Variants in GUCY1A2 observed in about 807,000 individuals in gnomAD.
GUCY1A2 encodes guanylate cyclase soluble subunit alpha-2.
A neutral mutation model predicts 63.5 loss-of-function variants in GUCY1A2; 27 were observed. That is an observed-to-expected ratio of 0.43 (90% CI 0.31 to 0.59). The LOEUF (loss-of-function observed/expected upper bound fraction) is 0.59, where lower values mean the gene tolerates loss of function less well. Ranked by LOEUF, GUCY1A2 falls within the 20% of genes least tolerant of loss-of-function variation. The probability of loss-of-function intolerance (pLI) is 0.11; values close to 1 mark genes in which losing one functional copy is unlikely to be tolerated. For missense variants in GUCY1A2, 768 were observed against 913.3 expected (o/e 0.84, Z 2.05); for synonymous variants, 364 against 343.5 (o/e 1.06, Z -0.66).
intron 4 of GUCY1A2, among the ~76,000 whole-genome samples, chr11:106,913,303 G>C (rs1860321329): frequency 6.6e-6 from 1 of 152,116 alleles, no homozygotes. Flanking sequence ...TGTACACAAA[G>C]CATGGCACCA....
chr11:106,906,837 A>C (rs1277777477), intron 4 of GUCY1A2, among the ~76,000 whole-genome samples: 1 of 150,912 alleles, frequency 6.6e-6, no homozygotes, highest in Non-Finnish European at 1.5e-5. Flanking sequence ...ACACAAGAAC[A>C]GAAAACCAAA....
At chr11:106,722,437 C>G (rs1481003752) in intron 6 of GUCY1A2, among the ~76,000 whole-genome samples, 1 of 152,000 alleles carries the variant, frequency 6.6e-6, no homozygotes, top group Non-Finnish European at 1.5e-5. Context: ...TCTAAAATCA[C>G]TACTGAAAAT....
chr11:107,006,298 T>G (rs545300566), intron 1 of GUCY1A2, among the ~76,000 whole-genome samples: 3 of 152,228 alleles, frequency 2.0e-5, no homozygotes, highest in Non-Finnish European at 4.4e-5. Flanking sequence ...TGTTCACATT[T>G]TATTACATAT....
chr11:106,862,300 T>C (rs1427390302), intron 4 of GUCY1A2, among the ~76,000 whole-genome samples: 3 of 143,740 alleles, frequency 2.1e-5, no homozygotes, highest in Non-Finnish European at 4.5e-5. Flanking sequence ...ACTACTTTCA[T>C]ATAATTGTTA....
intron 4 of GUCY1A2, among the ~76,000 whole-genome samples, chr11:106,815,580 C>A (rs773808643): frequency 1.3e-4 from 19 of 151,592 alleles, no homozygotes; most frequent in Admixed American, 1.1e-3. Context: ...AGAAAAAAAT[C>A]TTTGAGCACC....
chr11:106,909,392 C>CGTGTGTGTGTGT (rs1408056529), intron 4 of GUCY1A2, among the ~76,000 whole-genome samples: 3 of 135,682 alleles, frequency 2.2e-5, no homozygotes, highest in African/African-American at 5.4e-5. Flanking sequence ...TGTGTGTGTA[C>CGTGTGTGTGTGT]GCTTTTCATT....
At chr11:106,917,939 AT>A (rs1265580741) in intron 4 of GUCY1A2, among the ~76,000 whole-genome samples, 2 of 142,262 alleles carry the variant, frequency 1.4e-5, no homozygotes, top group Non-Finnish European at 3.1e-5. Flanking sequence ...AACTTAAAGT[AT>A]AAAAAAAAAA....
At chr11:106,979,865 C>T (rs1490672494) in intron 2 of GUCY1A2, among the ~76,000 whole-genome samples, 2 of 152,128 alleles carry the variant, frequency 1.3e-5, no homozygotes, top group African/African-American at 2.4e-5. Flanking sequence ...AACAGAAAGA[C>T]TTCAAAATAA....
intron 1 of GUCY1A2, among the ~76,000 whole-genome samples, chr11:107,013,022 T>C (rs1433024080): frequency 6.6e-6 from 1 of 152,202 alleles, no homozygotes; most frequent in South Asian, 2.1e-4. Context: ...GCCTTTTCAT[T>C]CTTTCCTTGA....
chr11:106,768,280 C>T (rs1224082376), intron 6 of GUCY1A2, among the ~76,000 whole-genome samples: 3 of 152,108 alleles, frequency 2.0e-5, no homozygotes, highest in Non-Finnish European at 4.4e-5. Flanking sequence ...GCCCCCCTAC[C>T]ACCACATGCA....
At chr11:106,946,797 T>G (rs1860835298) in intron 3 of GUCY1A2, among the ~76,000 whole-genome samples, 2 of 152,182 alleles carry the variant, frequency 1.3e-5, no homozygotes. Flanking sequence ...TAGTGATGGT[T>G]GCAAAACTTT....
intron 4 of GUCY1A2, among the ~76,000 whole-genome samples, chr11:106,815,291 A>G (rs1188755294): frequency 6.6e-6 from 1 of 152,172 alleles, no homozygotes; most frequent in Middle Eastern, 3.4e-3. Flanking sequence ...TAGGACAATA[A>G]AAAAGAAATC....
rs1241872177 is a variant in GUCY1A2, at chr11:106,939,618, G to A, written c.1048C>T (p.Leu350Phe). 7.4e-6 allele frequency: 12 copies of A among 1,613,902 alleles called. No homozygotes were observed. In the East Asian group the frequency reaches 2.5e-4, roughly 33 times the overall value. ...AGCACTTTGTGAGTGTCACATCGAAGCTGCTTCCTTAGACCTTCCCCCAAC... is the reference window on the plus strand; with the variant it reads ...AGCACTTTGTGAGTGTCACATCGAAACTGCTTCCTTAGACCTTCCCCCAAC... ...LQLGEGLRKQ[L>F]RCDTHKVLKF... Residue 350 changes from leucine (L) to phenylalanine (F), a missense_variant, in exon 4 of 8, where the codon CTT (leucine) becomes TTT (phenylalanine). Physicochemically the swap from Leu to Phe is conservative, Grantham distance 22. This residue lies in a region of GUCY1A2 where 496 missense variants were observed against 486.9 expected (regional missense o/e 1.02). Transcript: ENST00000526355.
intron 5 of GUCY1A2, among the ~76,000 whole-genome samples, chr11:106,805,973 A>C (rs1237693545): frequency 1.3e-5 from 2 of 152,188 alleles, no homozygotes; most frequent in African/African-American, 4.8e-5. Context: ...CAGTTTTCTT[A>C]TCCGAAAATG....
At chr11:106,779,762 A>C (rs1288348049) in intron 5 of GUCY1A2, among the ~76,000 whole-genome samples, 1 of 152,198 alleles carries the variant, frequency 6.6e-6, no homozygotes, top group African/African-American at 2.4e-5. Flanking sequence ...AGGAGTATGT[A>C]CTCTAATTGC....
intron 4 of GUCY1A2, among the ~76,000 whole-genome samples, chr11:106,905,004 A>C (rs1057115936): frequency 2.6e-5 from 4 of 152,168 alleles, no homozygotes; most frequent in African/African-American, 9.6e-5. Flanking sequence ...TTACATGGCA[A>C]AATAATTTCA....
intron 4 of GUCY1A2, among the ~76,000 whole-genome samples, chr11:106,900,054 C>G (rs376705261): frequency 6.7e-6 from 1 of 149,080 alleles, no homozygotes; most frequent in East Asian, 2.0e-4. Context: ...CCACTGCACT[C>G]CAGCCTAGGC....
intron 4 of GUCY1A2, among the ~76,000 whole-genome samples, chr11:106,904,327 TTAC>T (rs1860174920): frequency 6.6e-6 from 1 of 152,126 alleles, no homozygotes; most frequent in Non-Finnish European, 1.5e-5. Flanking sequence ...ACTGTTTTCC[TTAC>T]ATACAATGAC....
intron 4 of GUCY1A2, among the ~76,000 whole-genome samples, chr11:106,856,052 A>G (rs1482492387): frequency 2.0e-5 from 3 of 151,478 alleles, no homozygotes; most frequent in Non-Finnish European, 4.4e-5. Context: ...CAGCCTCCCA[A>G]GTAGCTGGGA....
Sources: gnomAD v4.1 joint callset for allele counts (sites outside exome capture counted in the v4.1 genomes callset) on GRCh38, gnomAD v4.1.1 for gene constraint, gnomAD v4.1.1 regional missense constraint, MANE v1.5 for transcripts, NCBI Gene and HGNC (gene_info 2026-07-23, HGNC 2026-07-21) for gene names.